The following RSPO1 variants were observed in gnomAD, a reference collection of about 807,000 sequenced individuals.
RSPO1 encodes R-spondin 1.
RSPO1 carries 18 observed loss-of-function variants against 26.0 expected under a neutral mutation model. That is an observed-to-expected ratio of 0.69 (90% CI 0.48 to 1.03). RSPO1 has a LOEUF of 1.03. RSPO1 is among the 50% of genes least tolerant of loss of function. RSPO1 has a pLI of 0.00. For missense variants in RSPO1, 309 were observed against 352.3 expected, an observed-to-expected ratio of 0.88 and a Z score of 0.98; for synonymous variants, 133 against 137.4, an observed-to-expected ratio of 0.97 and a Z score of 0.22.
At chr1:37,616,375 C>G in intron 4 of RSPO1, 109 bp downstream of exon 4, 1 of 1,001,126 alleles carries the variant, frequency 1.0e-6, no homozygotes, top group South Asian at 1.4e-5. Context: ...CATCTCCTCT[C>G]CTCAGAGCCC....
At chr1:37,627,683 AC>A (rs1644298795) in intron 3 of RSPO1, among the ~76,000 whole-genome samples, 1 of 151,824 alleles carries the variant, frequency 6.6e-6, no homozygotes, top group South Asian at 2.1e-4. Context: ...ACAAAACAAA[AC>A]AAAACAAAAC....
At chr1:37,630,793 G>T (rs1313601283) in intron 2 of RSPO1, among the ~76,000 whole-genome samples, 1 of 152,118 alleles carries the variant, frequency 6.6e-6, no homozygotes, top group Non-Finnish European at 1.5e-5. Flanking sequence ...TGCTCTCAAG[G>T]TTCTTCCACA....
At position 37,613,865 on chromosome 1, in the gene RSPO1, G is replaced by A. The variant is rs201102260; in HGVS notation, c.464C>T (p.Pro155Leu). The change falls in exon 6 of 7, where the codon CCG (proline) becomes CTG (leucine). Residue 155 changes from proline (P) to leucine (L), a missense_variant. Pro to Leu is a moderately conservative substitution (Grantham distance 98). Coordinates refer to ENST00000356545, the MANE Select transcript of RSPO1 (RefSeq NM_001242908.2). This position sits in a 1 kb window ranked among gnomAD's most constrained non-coding sequence, Gnocchi z 4.5. ...CTGCTTCTTGGAGCAGGGCCCCCACGGAGACCACTCGCTCATTTCACATTG... is the reference window on the plus strand; with the variant it reads ...CTGCTTCTTGGAGCAGGGCCCCCACAGAGACCACTCGCTCATTTCACATTG... ...PAQCEMSEWS[P>L]WGPCSKKQQL... The A allele has an allele frequency of 2.5e-4, 405 of 1,614,084 alleles. No homozygotes were observed. In the Middle Eastern group the frequency reaches 7.6e-3, roughly 30 times the overall value.
chr1:37,634,221 A>G lies in RSPO1; in HGVS notation c.-356+345T>C, dbSNP rs991799592. Among the ~76,000 whole-genome samples, 2 of 152,144 alleles carry G rather than the reference A, an allele frequency of 1.3e-5. No individual in the cohort carries two copies. Among genetic ancestry groups the G allele is most frequent in the African/African-American group, 2.4e-5 (1 of 41,434 alleles). The stretch of plus-strand genomic sequence containing the variant: ...GGAATCCGAGCCAATGAGCCCCAGG[A>G]TCAAGAACTTCTGGATTGGAGGCGG... On this transcript the variant is annotated intron_variant, in intron 1 of 6. Transcript: ENST00000356545. The surrounding 1 kb of genome is among the most constrained non-coding windows in gnomAD (Gnocchi z 4.7).
Position 37,612,114 on chromosome 1 carries a change from C to G in RSPO1, c.*641G>C, listed in dbSNP as rs1644033350. The G allele has an allele frequency of 1.3e-5, 2 of 154,266 alleles. No homozygotes were observed. Among genetic ancestry groups the G allele is most frequent in the Non-Finnish European group, 2.9e-5 (2 of 69,360 alleles). 9.6% of individuals were successfully genotyped at this position (154,266 alleles called of 1,614,324 possible). ...TACCTCGCCAAACCCTCACACCCTG[C>G]AAAGGAATGTGGTGCCTGTGTCTAC... On this transcript the variant is annotated 3_prime_UTR_variant, in exon 7 of 7. Transcript: ENST00000356545.
chr1:37,622,124 C>T (rs1424708387), intron 3 of RSPO1, among the ~76,000 whole-genome samples: 2 of 152,140 alleles, frequency 1.3e-5, no homozygotes, highest in Non-Finnish European at 2.9e-5. Context: ...GAGGAGCCAA[C>T]AGACAGGCAG....
chr1:37,621,121 G>T (rs574329526), intron 3 of RSPO1, among the ~76,000 whole-genome samples: 2 of 152,232 alleles, frequency 1.3e-5, no homozygotes, highest in South Asian at 4.2e-4. Context: ...CAATGGCACC[G>T]CAGAGAAAGT....
intron 4 of RSPO1, 144 bp from the exon 5 acceptor site, chr1:37,614,477 G>A: frequency 1.1e-6 from 1 of 895,182 alleles, no homozygotes; most frequent in Non-Finnish European, 1.8e-6. Context: ...TACTGCAGAG[G>A]AATCTTGGGA....
Position 37,613,775 on chromosome 1 carries a change from C to T in RSPO1, c.554G>A (p.Gly185Glu). 1 of 1,614,026 alleles carries T rather than the reference C, an allele frequency of 6.2e-7. No homozygotes were observed. Among genetic ancestry groups the T allele is most frequent in the Non-Finnish European group, 8.5e-7 (1 of 1,180,018 alleles). ...GGTGTCAGAGCAGGCAGCATGGTCC[C>T]CCACAGGGGCATGTAGCACCCTGCG... Reference protein sequence around the residue: ...RTRRVLHAPVGDHAACSDTKE... With the variant: ...RTRRVLHAPVEDHAACSDTKE... The change falls in exon 6 of 7, where the codon GGG (glycine) becomes GAG (glutamate). Residue 185 changes from glycine (G) to glutamate (E), a missense_variant. By Grantham distance (98) the Gly-to-Glu change is moderately conservative. Coordinates refer to ENST00000356545, the MANE Select transcript of RSPO1 (RefSeq NM_001242908.2). The surrounding 1 kb of genome is among the most constrained non-coding windows in gnomAD (Gnocchi z 4.5).
At chr1:37,614,888 T>C (rs983356800) in intron 4 of RSPO1, among the ~76,000 whole-genome samples, 3 of 152,188 alleles carry the variant, frequency 2.0e-5, no homozygotes, top group Non-Finnish European at 2.9e-5. Context: ...CCAGGGCAAA[T>C]GCCTCTGCCT....
chr1:37,624,766 C>T (rs1023894401), intron 3 of RSPO1, among the ~76,000 whole-genome samples: 19 of 152,298 alleles, frequency 1.2e-4, no homozygotes, highest in South Asian at 4.1e-4. Flanking sequence ...GATGGTTTTA[C>T]ACCCCATCCT....
Position 37,629,962 on chromosome 1 carries a change from G to A in RSPO1, c.-288-13C>T. ...TCCAAAAACCAACCTGTCAGGGAAG[G>A]AGAAAGAAGGGTTAATTCTGTAGTA... On this transcript the variant is annotated splice_polypyrimidine_tract_variant and intron_variant, in intron 2 of 6. Transcript: ENST00000356545. The A allele has an allele frequency of 1.7e-6, 2 of 1,148,468 alleles. No individual in the cohort carries two copies. Among genetic ancestry groups the A allele is most frequent in the South Asian group, 1.3e-5 (1 of 76,068 alleles). The allele number at this position is 1,148,468 out of a possible 1,614,324, so 71.1% of individuals were successfully genotyped here.
intron 3 of RSPO1, among the ~76,000 whole-genome samples, chr1:37,625,448 T>C (rs1644261418): frequency 6.6e-6 from 1 of 151,914 alleles, no homozygotes; most frequent in Non-Finnish European, 1.5e-5. Context: ...AATCTTGGTT[T>C]TGGGGTGGAA....
intron 3 of RSPO1, among the ~76,000 whole-genome samples, chr1:37,617,546 C>A (rs148875112): frequency 0.011 from 1,643 of 150,792 alleles, 21 homozygotes; most frequent in Middle Eastern, 0.017. Context: ...GTAATCCCAG[C>A]TACTTGAGAG....
At position 37,616,533 on chromosome 1, in the gene RSPO1, G is replaced by T. The variant is rs373776188; in HGVS notation, c.237C>A (p.Cys79Ter). The T allele has an allele frequency of 1.2e-6, 2 of 1,614,194 alleles. No homozygotes were observed. Among genetic ancestry groups the T allele is most frequent in the Non-Finnish European group, 1.7e-6 (2 of 1,180,042 alleles). Residue 79 changes from cysteine (C) to a stop codon, truncating the protein, a stop_gained, in exon 4 of 7, where the codon TGC (cysteine) becomes TGA (stop). Coordinates refer to ENST00000356545, the MANE Select transcript of RSPO1 (RefSeq NM_001242908.2). LOFTEE classifies it high-confidence loss of function. ...TGCGGGCGTCGAAGTATCCAGGTGG[G>T]CAGGACGGCAAGCAGACGCCCACCT... is the stretch of plus-strand genomic sequence containing the variant. ...IRQVGVCLPS[C>*]PPGYFDARNP...
chr1:37,615,617 T>A (rs1456035429), intron 4 of RSPO1, among the ~76,000 whole-genome samples: 1 of 152,202 alleles, frequency 6.6e-6, no homozygotes, highest in African/African-American at 2.4e-5. Flanking sequence ...TCAACTGATA[T>A]GAGACCTGCA....
chr1:37,629,131 A>T (rs530321120), intron 3 of RSPO1, among the ~76,000 whole-genome samples: 10 of 152,322 alleles, frequency 6.6e-5, no homozygotes, highest in African/African-American at 2.4e-4. Flanking sequence ...ACCCAGTGCT[A>T]AGTTGTGCAG....
At chr1:37,628,895 A>C (rs1263198734) in intron 3 of RSPO1, among the ~76,000 whole-genome samples, 1 of 152,156 alleles carries the variant, frequency 6.6e-6, no homozygotes, top group Non-Finnish European at 1.5e-5. Context: ...CCTCTCTTCC[A>C]ACGACTTCTT....
intron 4 of RSPO1, 133 bp downstream of exon 4, chr1:37,616,351 T>C: frequency 1.3e-6 from 1 of 779,644 alleles, no homozygotes; most frequent in Admixed American, 2.4e-5. Context: ...GGCTGGATAC[T>C]TGAATCGGAG....
Sources: gnomAD v4.1 joint callset for allele counts (sites outside exome capture counted in the v4.1 genomes callset) on GRCh38, gnomAD v4.1.1 for gene constraint, Gnocchi (gnomAD v3.1) non-coding constraint, MANE v1.5 for transcripts, NCBI Gene and HGNC (gene_info 2026-07-23, HGNC 2026-07-21) for gene names.